Variants in DLGAP1 observed in about 807,000 individuals in gnomAD.
The protein encoded by DLGAP1 is DLG associated protein 1, also known as disks large-associated protein 1.
DLGAP1 carries 11 observed loss-of-function variants against 90.8 expected under a neutral mutation model. The ratio of observed to expected loss-of-function variants is 0.12; its 90% confidence interval spans 0.08 to 0.20. DLGAP1 has a LOEUF of 0.20. Among genes scored for constraint, DLGAP1 ranks in the 10% least tolerant of loss-of-function variants. DLGAP1 has a pLI of 1.00. For synonymous variants in DLGAP1, 558 were observed against 540.7 expected (o/e 1.03, Z -0.44); for missense variants, 1,050 against 1,333.8 (o/e 0.79, Z 3.31).
chr18:4,171,934 A>G (rs541344726), intron 1 of DLGAP1, among the ~76,000 whole-genome samples: 1 of 152,338 alleles, frequency 6.6e-6, no homozygotes, highest in South Asian at 2.1e-4. Context: ...TGACTAAGCA[A>G]CCAGGGCACA....
At chr18:4,312,844 A>G (rs778449797) in intron 1 of DLGAP1, among the ~76,000 whole-genome samples, 2 of 152,228 alleles carry the variant, frequency 1.3e-5, no homozygotes, top group Non-Finnish European at 2.9e-5. Context: ...ACTTTAAAAT[A>G]TAATCATAGC....
chr18:4,142,851 CTGCTCT>C (rs1441350843), intron 2 of DLGAP1, among the ~76,000 whole-genome samples: 4 of 152,236 alleles, frequency 2.6e-5, no homozygotes, highest in African/African-American at 7.2e-5. Flanking sequence ...TGAGGTGATT[CTGCTCT>C]TGCAGAATCA....
At chr18:3,556,386 C>T (rs1301723883) in intron 9 of DLGAP1, among the ~76,000 whole-genome samples, 1 of 152,138 alleles carries the variant, frequency 6.6e-6, no homozygotes, top group Admixed American at 6.6e-5. Flanking sequence ...CATTCAGAAT[C>T]GTTTCACTGC....
At chr18:4,040,962 C>A (rs1400346904) in intron 2 of DLGAP1, among the ~76,000 whole-genome samples, 1 of 152,164 alleles carries the variant, frequency 6.6e-6, no homozygotes, top group Non-Finnish European at 1.5e-5. Context: ...TAACATGATT[C>A]TCCCTAGGGA....
intron 1 of DLGAP1, among the ~76,000 whole-genome samples, chr18:4,432,529 T>C (rs776244351): frequency 1.3e-5 from 2 of 152,088 alleles, no homozygotes; most frequent in African/African-American, 2.4e-5. Context: ...AGTTGATGTT[T>C]TGATATATGT....
intron 1 of DLGAP1, among the ~76,000 whole-genome samples, chr18:4,408,960 TACACACACACACACACACAAACAC>T (rs1022212967): frequency 1.4e-5 from 1 of 73,742 alleles, no homozygotes; most frequent in Non-Finnish European, 2.6e-5. Context: ...GAAACCATTA[TACACACACACACACACACAAACAC>T]ACACACACAC....
At chr18:3,739,481 A>G (rs1349696553) in intron 6 of DLGAP1, among the ~76,000 whole-genome samples, 7 of 146,174 alleles carry the variant, frequency 4.8e-5, no homozygotes, top group African/African-American at 1.8e-4. Context: ...TTGTAGGGAC[A>G]TGGATGAAAT....
At chr18:4,092,492 T>C (rs1323861519) in intron 2 of DLGAP1, among the ~76,000 whole-genome samples, 2 of 152,138 alleles carry the variant, frequency 1.3e-5, no homozygotes, top group Admixed American at 1.3e-4. Context: ...CCCCTTGTGG[T>C]AGGAGACATC....
rs550087529 is a variant in DLGAP1 at position 4,177,331 on chromosome 18, A to C, written c.-266-26044T>G. On this transcript the variant is annotated intron_variant, in intron 1 of 12. Coordinates refer to ENST00000315677, the MANE Select transcript of DLGAP1 (RefSeq NM_004746.4). ...TTCATGATTAAAACTTGACTAATAC[A>C]TATGCCTTGACTTTCTTTGAACACA... Among the ~76,000 whole-genome samples the C allele has an allele frequency of 3.3e-5, 5 of 149,572 alleles. No homozygotes were observed. The South Asian group carries it at 1.1e-3, about 32-fold the overall frequency.
At chr18:4,322,175 C>T (rs148118075) in intron 1 of DLGAP1, among the ~76,000 whole-genome samples, 51 of 150,702 alleles carry the variant, frequency 3.4e-4, no homozygotes, top group African/African-American at 9.5e-4. Flanking sequence ...ACTCCAGCCT[C>T]GGCAACAGAG....
chr18:3,979,466 A>G (rs62083617), intron 3 of DLGAP1, among the ~76,000 whole-genome samples: 2,205 of 152,320 alleles, frequency 0.014, 24 homozygotes, highest in Non-Finnish European at 0.021. Context: ...TGATTGACAC[A>G]TGACTGTACT....
intron 7 of DLGAP1, among the ~76,000 whole-genome samples, chr18:3,681,362 A>G (rs1567954794): frequency 6.6e-6 from 1 of 152,230 alleles, no homozygotes; most frequent in Non-Finnish European, 1.5e-5. Context: ...CAGTCCACAG[A>G]ATGACAAATA....
At chr18:4,249,534 A>G (rs996750441) in intron 1 of DLGAP1, among the ~76,000 whole-genome samples, 1 of 151,434 alleles carries the variant, frequency 6.6e-6, no homozygotes, top group African/African-American at 2.4e-5. Context: ...TTTACTCTAT[A>G]GAAGTACAGT....
At chr18:3,917,832 TA>T (rs1250634466) in intron 3 of DLGAP1, among the ~76,000 whole-genome samples, 3 of 138,354 alleles carry the variant, frequency 2.2e-5, no homozygotes, top group East Asian at 4.8e-4. Flanking sequence ...AGTCAGTACC[TA>T]GGGGAAAAGG....
chr18:4,127,652 G>T (rs1467913409), intron 2 of DLGAP1, among the ~76,000 whole-genome samples: 2 of 152,220 alleles, frequency 1.3e-5, no homozygotes, highest in South Asian at 2.1e-4. Context: ...ATAATTGTAA[G>T]AATCATACAT....
chr18:3,780,185 A>G (rs1301839281), intron 5 of DLGAP1, among the ~76,000 whole-genome samples: 2 of 152,258 alleles, frequency 1.3e-5, no homozygotes, highest in African/African-American at 4.8e-5. Context: ...TGGCATGGGT[A>G]AAAAATAAAG....
intron 9 of DLGAP1, among the ~76,000 whole-genome samples, chr18:3,548,486 C>T (rs1412326571): frequency 5.3e-5 from 8 of 151,704 alleles, no homozygotes; most frequent in East Asian, 3.9e-4. Flanking sequence ...TAAAGCTAGC[C>T]GGGCACAGTG....
chr18:3,926,119 G>T (rs1469095888), intron 3 of DLGAP1, among the ~76,000 whole-genome samples: 2 of 152,216 alleles, frequency 1.3e-5, no homozygotes, highest in Admixed American at 6.5e-5. Context: ...ATGCTGGAGT[G>T]AACAGTGTGG....
intron 10 of DLGAP1, among the ~76,000 whole-genome samples, chr18:3,529,273 C>T (rs117276859): frequency 0.02 from 3,048 of 152,266 alleles, 57 homozygotes; most frequent in Non-Finnish European, 0.028. Context: ...CTGCCTCCAT[C>T]GTGAGGCTGC....
Sources: gnomAD v4.1 joint callset for allele counts (sites outside exome capture counted in the v4.1 genomes callset) on GRCh38, gnomAD v4.1.1 for gene constraint, MANE v1.5 for transcripts, NCBI Gene and HGNC (gene_info 2026-07-23, HGNC 2026-07-21) for gene names.